Variants in FAM171A1 observed in about 807,000 individuals in gnomAD.
FAM171A1 encodes the protein family with sequence similarity 171 member A1, also known as protein FAM171A1.
Under a neutral mutation model 74.9 loss-of-function variants are expected in FAM171A1, and 23 were observed. That is an observed-to-expected ratio of 0.31 (90% CI 0.22 to 0.44). The LOEUF is 0.44. FAM171A1 is among the 20% of genes least tolerant of loss of function. FAM171A1 has a pLI of 1.00. For missense variants in FAM171A1, 1,162 were observed against 1,159.2 expected, an observed-to-expected ratio of 1.00 and a Z score of -0.03; for synonymous variants, 527 against 505.7, an observed-to-expected ratio of 1.04 and a Z score of -0.57.
Position 15,324,273 on chromosome 10 carries a change from G to A in FAM171A1, c.98-40168C>T, listed in dbSNP as rs531587301. 2.0e-5 allele frequency among the ~76,000 whole-genome samples: 3 copies of A among 152,206 alleles called. No homozygotes were observed. In the East Asian group the frequency reaches 5.8e-4, roughly 29 times the overall value. On this transcript the variant is annotated intron_variant, in intron 1 of 7. Coordinates refer to ENST00000378116, the MANE Select transcript of FAM171A1 (RefSeq NM_001010924.2). ...TCTCCGTCTTTTCCTAAAGGAAGAC[G>A]GGGTGATTCAAGCAGAGAAGTCCAC...
In FAM171A1 at chr10:15,284,072, C is replaced by A; in HGVS notation, c.131G>T (p.Ser44Ile). ...VTLKVHISDA[S>I]THQPVADALI... ...CGCATCTGCTACGGGCTGGTGGGTG[C>A]TGGCGTCGCTGATGTGCACCTTTAA... The change falls in exon 2 of 8, where the codon AGC (serine) becomes ATC (isoleucine). Residue 44 changes from serine to isoleucine, a missense_variant. By Grantham distance (142) the Ser-to-Ile change is moderately radical. Transcript: ENST00000378116. The A allele has an allele frequency of 1.2e-6, 2 of 1,613,822 alleles. No homozygotes were observed. Among genetic ancestry groups the A allele is most frequent in the Non-Finnish European group, 1.7e-6 (2 of 1,180,008 alleles).
intron 1 of FAM171A1, among the ~76,000 whole-genome samples, chr10:15,352,420 T>C (rs933835720): frequency 6.6e-6 from 1 of 152,096 alleles, no homozygotes; most frequent in African/African-American, 2.4e-5. Context: ...GTCTAATGAG[T>C]GCACATAAAA....
At chr10:15,284,905 T>A (rs1588533431) in intron 1 of FAM171A1, among the ~76,000 whole-genome samples, 5 of 135,128 alleles carry the variant, frequency 3.7e-5, no homozygotes, top group Admixed American at 7.6e-5. Context: ...ACCCAAAGAG[T>A]AGAACAAGAG....
intron 5 of FAM171A1, 84 bp downstream of exon 5, chr10:15,248,555 G>T: frequency 1.4e-6 from 2 of 1,399,654 alleles, no homozygotes; most frequent in Non-Finnish European, 1.9e-6. Flanking sequence ...AAGGAAAGGA[G>T]ACTTCCATGA....
upstream of FAM171A1, among the ~76,000 whole-genome samples, chr10:15,372,077 C>G (rs574450267): frequency 1.3e-5 from 2 of 152,230 alleles, no homozygotes; most frequent in South Asian, 4.2e-4. Flanking sequence ...GATGGGGAAG[C>G]TGATCAGATA....
At chr10:15,370,035 G>C (rs1311658383) in intron 1 of FAM171A1, among the ~76,000 whole-genome samples, 4 of 152,126 alleles carry the variant, frequency 2.6e-5, no homozygotes, top group African/African-American at 7.2e-5. Context: ...CCTCGACGCT[G>C]TCCCCACAAA....
chr10:15,294,836 GA>G (rs778107826), intron 1 of FAM171A1, among the ~76,000 whole-genome samples: 12 of 152,334 alleles, frequency 7.9e-5, no homozygotes, highest in South Asian at 4.1e-4. Context: ...GCACATGGAA[GA>G]AGCTCCCTGT....
rs148567813 is a variant in FAM171A1 at position 15,337,349 on chromosome 10, T to A, written c.97+33607A>T. Among the ~76,000 whole-genome samples the A allele has an allele frequency of 9.8e-4, 149 of 152,366 alleles. 1 individual carries two copies. The Middle Eastern group carries it at 0.01, about 10-fold the overall frequency. On this transcript the variant is annotated intron_variant, in intron 1 of 7. Coordinates refer to ENST00000378116, the MANE Select transcript of FAM171A1 (RefSeq NM_001010924.2). ...TATTCCTAAATTATAGTTCATTTCA[T>A]CTTTTTGGTGGCTTAAGCTGAAAAG...
chr10:15,220,070 C>T (rs1041726688), intron 6 of FAM171A1, among the ~76,000 whole-genome samples: 1 of 152,216 alleles, frequency 6.6e-6, no homozygotes, highest in African/African-American at 2.4e-5. Flanking sequence ...CATTTTAGAA[C>T]TGCCTTCATG....
chr10:15,273,907 G>A lies in FAM171A1; in HGVS notation c.418+1948C>T, dbSNP rs553539821. ...TCTCAAAATAATAAGAGCTATTTATGACAAATCCACAGCGAATATCACAGT... is the reference window on the plus strand; with the variant it reads ...TCTCAAAATAATAAGAGCTATTTATAACAAATCCACAGCGAATATCACAGT... On this transcript the variant is annotated intron_variant, in intron 3 of 7. Coordinates refer to ENST00000378116, the MANE Select transcript of FAM171A1 (RefSeq NM_001010924.2). Among the ~76,000 whole-genome samples the A allele has an allele frequency of 6.6e-5, 10 of 152,270 alleles. No individual in the cohort carries two copies. The East Asian group carries it at 1.9e-3, about 29-fold the overall frequency.
chr10:15,294,361 G>C (rs1222180064), intron 1 of FAM171A1, among the ~76,000 whole-genome samples: 3 of 152,146 alleles, frequency 2.0e-5, no homozygotes, highest in African/African-American at 7.2e-5. Flanking sequence ...AGTTCTGTCT[G>C]CCTGCCCAAG....
chr10:15,328,393 G>A (rs536118860), intron 1 of FAM171A1, among the ~76,000 whole-genome samples: 18 of 152,256 alleles, frequency 1.2e-4, no homozygotes, highest in African/African-American at 4.1e-4. Context: ...TGATCCACCC[G>A]CCTCGGCCTC....
chr10:15,252,626 G>A (rs538614473), intron 4 of FAM171A1, among the ~76,000 whole-genome samples: 21 of 152,252 alleles, frequency 1.4e-4, no homozygotes, highest in African/African-American at 5.1e-4. Context: ...GTCCCCGAGG[G>A]CGCGTGTGAA....
chr10:15,248,331 G>A (rs530726186), intron 5 of FAM171A1, among the ~76,000 whole-genome samples: 4 of 151,670 alleles, frequency 2.6e-5, no homozygotes, highest in Non-Finnish European at 5.9e-5. Flanking sequence ...ACCTTCTGAT[G>A]AATAAAAGGA....
At chr10:15,306,479 C>A (rs1304442786) in intron 1 of FAM171A1, among the ~76,000 whole-genome samples, 1 of 152,004 alleles carries the variant, frequency 6.6e-6, no homozygotes, top group African/African-American at 2.4e-5. Flanking sequence ...ATTCTCCTGA[C>A]TCAGTCTCTC....
chr10:15,309,789 T>C (rs1295511200), intron 1 of FAM171A1, among the ~76,000 whole-genome samples: 1 of 152,212 alleles, frequency 6.6e-6, no homozygotes, highest in East Asian at 1.9e-4. Context: ...TTTTCTCCAA[T>C]GTGAAAAACA....
chr10:15,282,051 T>C (rs1834977054), intron 2 of FAM171A1, among the ~76,000 whole-genome samples: 1 of 152,156 alleles, frequency 6.6e-6, no homozygotes, highest in Non-Finnish European at 1.5e-5. Context: ...GCTTTTCATG[T>C]CTTTAAGCAT....
intron 3 of FAM171A1, among the ~76,000 whole-genome samples, chr10:15,263,168 G>A (rs1296257657): frequency 6.6e-6 from 1 of 152,154 alleles, no homozygotes; most frequent in East Asian, 1.9e-4. Flanking sequence ...CATCTTGTCT[G>A]TATCTTCTTA....
In FAM171A1 at chr10:15,256,498, C is replaced by T. The variant is rs139911682; in HGVS notation, c.419-1619G>A. On this transcript the variant is annotated intron_variant, in intron 3 of 7. Transcript: ENST00000378116. ...ATCCAGGCCCAGGTTTAGAGCCCAGCGAGCAGGTGCCCAAAATCATGAGAG... is the reference window on the plus strand; with the variant it reads ...ATCCAGGCCCAGGTTTAGAGCCCAGTGAGCAGGTGCCCAAAATCATGAGAG... Among the ~76,000 whole-genome samples the T allele has an allele frequency of 6.4e-3, 970 of 152,234 alleles. 10 individuals carry two copies. Among genetic ancestry groups the T allele is most frequent in the South Asian group, 0.019 (92 of 4,822 alleles).
Sources: gnomAD v4.1 joint callset for allele counts (sites outside exome capture counted in the v4.1 genomes callset) on GRCh38, gnomAD v4.1.1 for gene constraint, MANE v1.5 for transcripts, NCBI Gene and HGNC (gene_info 2026-07-23, HGNC 2026-07-21) for gene names.